The following GLMN variants were observed in gnomAD, a reference collection of about 807,000 sequenced individuals.
GLMN encodes glomulin, FKBP associated protein.
GLMN carries 75 observed loss-of-function variants against 87.8 expected under a neutral mutation model. The ratio of observed to expected loss-of-function variants is 0.85; its 90% CI spans 0.71 to 1.04. The LOEUF is 1.04. GLMN is among the 50% of genes least tolerant of loss of function. The pLI, the probability that GLMN is intolerant of heterozygous loss-of-function variation, is 0.00. For missense variants in GLMN, 588 were observed against 658.8 expected (o/e 0.89, Z 1.18); for synonymous variants, 206 against 221.6 (o/e 0.93, Z 0.63).
At chr1:92,329,990 T>C in the GLMN span, among the ~76,000 whole-genome samples, 10 of 152,308 alleles carry the variant, frequency 6.6e-5, no homozygotes, top group South Asian at 4.1e-4. Flanking sequence ...TAATCATAGT[T>C]TGAGAGCCCT....
chr1:92,359,153 T>G, the GLMN span, among the ~76,000 whole-genome samples: 1 of 152,136 alleles, frequency 6.6e-6, no homozygotes, highest in Non-Finnish European at 1.5e-5. Flanking sequence ...AGAGACAAAT[T>G]ATGAGAAACA....
the GLMN span, among the ~76,000 whole-genome samples, chr1:92,351,493 T>C: frequency 2.6e-5 from 4 of 152,222 alleles, no homozygotes; most frequent in South Asian, 4.1e-4. Context: ...AATAGCTTTT[T>C]TGAGATTTAA....
At chr1:92,258,496 A>G (rs1041399336) in intron 16 of GLMN, among the ~76,000 whole-genome samples, 24 of 152,228 alleles carry the variant, frequency 1.6e-4, no homozygotes, top group Non-Finnish European at 1.6e-4. Context: ...AAGACTTGGA[A>G]CCAACCCAAA....
chr1:92,302,513 A>T (rs1466175855), upstream of GLMN, among the ~76,000 whole-genome samples: 1 of 149,630 alleles, frequency 6.7e-6, no homozygotes, highest in East Asian at 2.0e-4. Flanking sequence ...AATTTCATCA[A>T]TTTTCTTATT....
the GLMN span, among the ~76,000 whole-genome samples, chr1:92,332,343 A>T: frequency 6.6e-6 from 1 of 152,078 alleles, no homozygotes; most frequent in Non-Finnish European, 1.5e-5. Flanking sequence ...ATTATCTGTC[A>T]AAAATTTTCA....
chr1:92,346,547 A>G, the GLMN span, among the ~76,000 whole-genome samples: 1 of 152,204 alleles, frequency 6.6e-6, no homozygotes, highest in Admixed American at 6.5e-5. Context: ...GTAGTCTATT[A>G]TATTAACATT....
chr1:92,338,175 T>G, the GLMN span, among the ~76,000 whole-genome samples: 1 of 152,116 alleles, frequency 6.6e-6, no homozygotes, highest in Non-Finnish European at 1.5e-5. Context: ...ATGTTTATAT[T>G]TGAAAGTGAA....
the GLMN span, among the ~76,000 whole-genome samples, chr1:92,334,804 G>T: frequency 6.6e-6 from 1 of 152,074 alleles, no homozygotes; most frequent in Admixed American, 6.6e-5. Context: ...GGCTAACACG[G>T]TGAAACCCCA....
At chr1:92,327,353 A>G in the GLMN span, among the ~76,000 whole-genome samples, 1 of 152,140 alleles carries the variant, frequency 6.6e-6, no homozygotes, top group Non-Finnish European at 1.5e-5. Context: ...GTTTAGATGC[A>G]TATTTATTTA....
chr1:92,248,551 G>A (rs928737145), intron 16 of GLMN: 3 of 152,220 alleles, frequency 2.0e-5, no homozygotes, highest in Non-Finnish European at 4.4e-5. Context: ...AGTACTAATG[G>A]AGAGGACTCA....
At chr1:92,251,358 A>C (rs981379472) in intron 16 of GLMN, among the ~76,000 whole-genome samples, 1 of 152,152 alleles carries the variant, frequency 6.6e-6, no homozygotes, top group Non-Finnish European at 1.5e-5. Context: ...AATTCAGTAA[A>C]TTAAGGATAA....
chr1:92,289,110 C>T lies in GLMN; in HGVS notation c.436G>A (p.Ala146Thr), dbSNP rs61754623. 5.5e-3 allele frequency: 8,831 copies of T among 1,609,794 alleles called. 35 individuals carry two copies. The highest frequency in any genetic ancestry group is 6.8e-3 in the Non-Finnish European group (8,049 of 1,176,220). ...LHNKAYSIGLALSTLWNQLSL... is the reference protein window; with the variant it reads ...LHNKAYSIGLTLSTLWNQLSL... ...AGCTGATTCCAAAGGGTAGACAATG[C>T]TAATCCAATTGAATATGCCTTGTTA... is the stretch of plus-strand genomic sequence containing the variant. The change falls in exon 6 of 19, where the codon GCA (alanine) becomes ACA (threonine). Residue 146 changes from alanine to threonine, a missense_variant. Ala to Thr is a moderately conservative substitution (Grantham distance 58, BLOSUM62 0). Coordinates refer to ENST00000370360, the MANE Select transcript of GLMN (RefSeq NM_053274.3).
the GLMN span, among the ~76,000 whole-genome samples, chr1:92,314,067 A>G: frequency 6.6e-6 from 1 of 152,238 alleles, no homozygotes; most frequent in Non-Finnish European, 1.5e-5. Context: ...AACTTTCTCT[A>G]TACCAGCAAT....
intron 17 of GLMN, among the ~76,000 whole-genome samples, chr1:92,247,519 T>TA (rs1175739884): frequency 6.6e-6 from 1 of 152,096 alleles, no homozygotes; most frequent in Admixed American, 6.6e-5. Context: ...ATTATTGACT[T>TA]AAAAAAATTC....
the GLMN span, among the ~76,000 whole-genome samples, chr1:92,369,505 C>T: frequency 6.6e-6 from 1 of 152,092 alleles, no homozygotes; most frequent in Admixed American, 6.6e-5. Flanking sequence ...GGATCTTGCT[C>T]TGTTGCCCAG....
chr1:92,363,719 G>A, the GLMN span: 1 of 362,080 alleles, frequency 2.8e-6, no homozygotes, highest in Non-Finnish European at 5.5e-6. Context: ...CCTACTCAAT[G>A]TGAAGACAAG....
intron 7 of GLMN, among the ~76,000 whole-genome samples, chr1:92,277,829 G>GTAAGTAAGCAGTGCCCTGAGT (rs1553141502): frequency 6.6e-6 from 1 of 152,116 alleles, no homozygotes; most frequent in African/African-American, 2.4e-5. Flanking sequence ...ACCACTAAAT[G>GTAAGTAAGCAGTGCCCTGAGT]TAAGTAAGCA....
chr1:92,304,087 AT>A, the GLMN span: 34 of 1,553,398 alleles, frequency 2.2e-5, no homozygotes, highest in South Asian at 4.7e-5. Flanking sequence ...TAAGTAACTC[AT>A]TTTTTTTAAA....
chr1:92,323,678 G>A, the GLMN span: 2 of 1,613,552 alleles, frequency 1.2e-6, no homozygotes, highest in East Asian at 4.5e-5. Context: ...AAGAAAGCTG[G>A]TCACAAAGCT....
Sources: allele counts gnomAD v4.1 joint callset (sites outside exome capture counted in the v4.1 genomes callset), GRCh38; gene constraint gnomAD v4.1.1; transcripts MANE v1.5; gene names NCBI Gene and HGNC (gene_info 2026-07-23, HGNC 2026-07-21).